LPXN: variants seen among roughly 807,000 people sequenced by gnomAD.
LPXN encodes leupaxin.
LPXN carries 28 observed loss-of-function variants against 45.6 expected under a neutral mutation model. The ratio of observed to expected loss-of-function variants is 0.61; its 90% CI spans 0.45 to 0.84. The LOEUF (loss-of-function observed/expected upper bound fraction) is 0.84. LPXN is among the 40% of genes least tolerant of loss of function. The probability of loss-of-function intolerance (pLI) is 0.00; values close to 1 mark genes in which losing one functional copy is unlikely to be tolerated. For synonymous variants in LPXN, 166 were observed against 169.9 expected (o/e 0.98, Z 0.18); for missense variants, 459 against 475.0 (o/e 0.97, Z 0.31).
chr11:58,575,635 G>A, intron 1 of LPXN, 125 bp downstream of exon 1: 2 of 1,105,458 alleles, frequency 1.8e-6, no homozygotes, highest in South Asian at 1.3e-5. Flanking sequence ...CTGAGGACAG[G>A]AAAGAAGTGA....
intron 7 of LPXN, among the ~76,000 whole-genome samples, chr11:58,540,853 C>T (rs1259565007): frequency 2.0e-5 from 3 of 152,000 alleles, no homozygotes; most frequent in Non-Finnish European, 4.4e-5. Context: ...AAAACAAGTG[C>T]ACCTCACAAA....
At position 58,575,805 on chromosome 11, in the gene LPXN, G is replaced by C. The variant is rs748583836; in HGVS notation, c.-33C>G. ...CATCCAAGATGCTCTTGTCTCACAG[G>C]CCGTGAGGAACAGCTTTGGCATGTG... On this transcript the variant is annotated 5_prime_UTR_variant, in exon 1 of 9. Transcript: ENST00000395074. 1.2e-6 allele frequency: 2 copies of C among 1,614,186 alleles called. No individual in the cohort carries two copies. The highest frequency in any genetic ancestry group is 2.2e-5 in the East Asian group (1 of 44,890).
intron 3 of LPXN, among the ~76,000 whole-genome samples, chr11:58,560,411 A>G (rs1397982326): frequency 6.6e-6 from 1 of 152,248 alleles, no homozygotes; most frequent in Non-Finnish European, 1.5e-5. Context: ...GCAGAGAAAT[A>G]TACAGAAAAA....
At chr11:58,550,200 T>C in intron 5 of LPXN, 54 bp from the exon 6 acceptor site, 1 of 1,557,228 alleles carries the variant, frequency 6.4e-7, no homozygotes, top group Non-Finnish European at 8.8e-7. Flanking sequence ...CTCTACAGCC[T>C]ACAGGTTGCA....
At position 58,527,303 on chromosome 11, in the gene LPXN, T is replaced by C. The variant is rs895850406; in HGVS notation, c.*151A>G. The C allele has an allele frequency of 2.2e-4, 152 of 698,318 alleles. No homozygotes were observed. Among genetic ancestry groups the C allele is most frequent in the Non-Finnish European group, 3.3e-4 (139 of 419,270 alleles). The allele number at this position is 698,318 out of a possible 1,614,324, so 43.3% of individuals were successfully genotyped here. ...AAATAAGATTATCAGCCTAGTCATGTAAAGTCTAGAAGTTCCTTTATTTGC... is the reference window on the plus strand; with the variant it reads ...AAATAAGATTATCAGCCTAGTCATGCAAAGTCTAGAAGTTCCTTTATTTGC... On this transcript the variant is annotated 3_prime_UTR_variant, in exon 9 of 9. Transcript: ENST00000395074.
chr11:58,578,385 T>TA (rs2134377687), upstream of LPXN, among the ~76,000 whole-genome samples: 1 of 152,260 alleles, frequency 6.6e-6, no homozygotes, highest in South Asian at 2.1e-4. Context: ...CTAGGCGAAA[T>TA]AAGACTTCAT....
At chr11:58,571,171 G>A (rs538659468) in intron 1 of LPXN, among the ~76,000 whole-genome samples, 1 of 151,990 alleles carries the variant, frequency 6.6e-6, no homozygotes, top group East Asian at 1.9e-4. Flanking sequence ...AATCCAGTCT[G>A]TATGAAAAAT....
intron 7 of LPXN, among the ~76,000 whole-genome samples, chr11:58,533,090 C>A (rs1177565308): frequency 6.6e-6 from 1 of 152,144 alleles, no homozygotes; most frequent in Non-Finnish European, 1.5e-5. Context: ...AACCACAAAC[C>A]CATCAGAAAG....
chr11:58,540,903 G>C (rs1459493421), intron 7 of LPXN, among the ~76,000 whole-genome samples: 1 of 152,124 alleles, frequency 6.6e-6, no homozygotes, highest in Non-Finnish European at 1.5e-5. Flanking sequence ...TCAACTATCT[G>C]ATCTTTGACA....
At chr11:58,559,449 G>A (rs184092997) in intron 3 of LPXN, among the ~76,000 whole-genome samples, 42 of 152,214 alleles carry the variant, frequency 2.8e-4, no homozygotes, top group African/African-American at 9.9e-4. Context: ...TGGAGCTAAA[G>A]TAAAATAAAT....
intron 2 of LPXN, among the ~76,000 whole-genome samples, chr11:58,569,371 T>C (rs1424157420): frequency 6.6e-6 from 1 of 152,112 alleles, no homozygotes; most frequent in African/African-American, 2.4e-5. Context: ...AAATTTGATT[T>C]CTGAGTTTTG....
chr11:58,574,065 C>T (rs1854801055), intron 1 of LPXN, among the ~76,000 whole-genome samples: 1 of 152,122 alleles, frequency 6.6e-6, no homozygotes, highest in African/African-American at 2.4e-5. Flanking sequence ...AAGATCCACA[C>T]CAAGTCTCAA....
chr11:58,577,447 T>A (rs1332083454), upstream of LPXN, among the ~76,000 whole-genome samples: 2 of 152,202 alleles, frequency 1.3e-5, no homozygotes, highest in African/African-American at 4.8e-5. Context: ...AAATTTAAAA[T>A]TGGATCCCCA....
chr11:58,564,112 A>T, intron 3 of LPXN, 43 bp downstream of exon 3: 1 of 1,209,366 alleles, frequency 8.3e-7, no homozygotes. Context: ...ACAATTATCT[A>T]CTAACTTTAA....
intron 1 of LPXN, 94 bp from the exon 2 acceptor site, chr11:58,570,807 C>T (rs1014363361): frequency 1.1e-6 from 1 of 871,204 alleles, no homozygotes; most frequent in African/African-American, 1.7e-5. Context: ...CCACATTCAT[C>T]TCCTTTTCTT....
intron 2 of LPXN, among the ~76,000 whole-genome samples, chr11:58,569,519 G>C (rs1854620323): frequency 6.6e-6 from 1 of 151,980 alleles, no homozygotes; most frequent in Admixed American, 6.5e-5. Context: ...CACCTGAGTG[G>C]CGGGGACCAT....
chr11:58,574,714 T>C (rs1854825701), intron 1 of LPXN, among the ~76,000 whole-genome samples: 1 of 152,172 alleles, frequency 6.6e-6, no homozygotes, highest in Non-Finnish European at 1.5e-5. Flanking sequence ...AATATCAAAA[T>C]AGACTTTACC....
chr11:58,571,230 C>T (rs1285218512), intron 1 of LPXN, among the ~76,000 whole-genome samples: 1 of 152,000 alleles, frequency 6.6e-6, no homozygotes, highest in Non-Finnish European at 1.5e-5. Context: ...GTCCCAGCTA[C>T]TTGGGAGGCT....
intron 7 of LPXN, among the ~76,000 whole-genome samples, chr11:58,530,379 T>C (rs1054610096): frequency 1.3e-5 from 2 of 152,190 alleles, no homozygotes; most frequent in African/African-American, 4.8e-5. Flanking sequence ...GCATCCACCA[T>C]TGCTGAGGCT....
Sources: allele counts gnomAD v4.1 joint callset (sites outside exome capture counted in the v4.1 genomes callset), GRCh38; gene constraint gnomAD v4.1.1; transcripts MANE v1.5; gene names NCBI Gene and HGNC (gene_info 2026-07-23, HGNC 2026-07-21).